The following CCDC148 variants were observed in gnomAD, a reference collection of about 807,000 sequenced individuals.
CCDC148 encodes the protein coiled-coil domain containing 148, also known as coiled-coil domain-containing protein 148.
CCDC148 carries 89 observed loss-of-function variants against 85.7 expected under a neutral mutation model. The observed-to-expected ratio is 1.04, with a 90% CI of 0.87 to 1.24. The LOEUF is 1.24. Among genes scored for constraint, CCDC148 ranks in the 50% most tolerant of loss-of-function variants. CCDC148 has a pLI of 0.00. For synonymous variants in CCDC148, 230 were observed against 213.9 expected, an observed-to-expected ratio of 1.08 and a Z score of -0.66; for missense variants, 692 against 671.7, an observed-to-expected ratio of 1.03 and a Z score of -0.33.
intron 7 of CCDC148, among the ~76,000 whole-genome samples, chr2:158,331,893 T>C (rs867144431): frequency 2.0e-5 from 3 of 152,220 alleles, no homozygotes; most frequent in Non-Finnish European, 4.4e-5. Flanking sequence ...TTTGAGCCTA[T>C]GTGTGTCTCT....
rs113318589 is a variant in CCDC148, at chr2:158,335,323, C to T, written c.764+3403G>A. Among the ~76,000 whole-genome samples, 549 of 152,304 alleles carry T rather than the reference C, an allele frequency of 3.6e-3. 2 individuals carry two copies. Among genetic ancestry groups the T allele is most frequent in the African/African-American group, 0.013 (526 of 41,566 alleles). Reference sequence around the variant, plus strand: ...GCCTATGCTAACCCTACTCATTCTTCAAAGTTCATAGTGAATTTTGCTTCC... The same window carrying T: ...GCCTATGCTAACCCTACTCATTCTTTAAAGTTCATAGTGAATTTTGCTTCC... On this transcript the variant is annotated intron_variant, in intron 7 of 13. Transcript: ENST00000283233.
intron 11 of CCDC148, among the ~76,000 whole-genome samples, chr2:158,181,294 T>C (rs1684891341): frequency 6.6e-6 from 1 of 152,126 alleles, no homozygotes; most frequent in Non-Finnish European, 1.5e-5. Context: ...GAGAAAGGCA[T>C]TTGTACTTGT....
intron 11 of CCDC148, among the ~76,000 whole-genome samples, chr2:158,196,792 T>C (rs1685696382): frequency 4.0e-5 from 6 of 151,894 alleles, no homozygotes; most frequent in Admixed American, 3.9e-4. Context: ...TACCCTACTC[T>C]GCACTTGTGT....
chr2:158,252,218 T>C (rs1688822502), intron 9 of CCDC148, among the ~76,000 whole-genome samples: 1 of 151,870 alleles, frequency 6.6e-6, no homozygotes, highest in Non-Finnish European at 1.5e-5. Flanking sequence ...AAAGTGACTC[T>C]AAAGTTCATT....
chr2:158,206,948 T>C (rs139485313), intron 11 of CCDC148, among the ~76,000 whole-genome samples: 1 of 152,346 alleles, frequency 6.6e-6, no homozygotes, highest in East Asian at 1.9e-4. Context: ...TGTCAGTTGC[T>C]TTTATCAAGG....
chr2:158,365,545 C>T (rs1189643858), intron 1 of CCDC148, among the ~76,000 whole-genome samples: 1 of 152,264 alleles, frequency 6.6e-6, no homozygotes, highest in South Asian at 2.1e-4. Flanking sequence ...TCTCAGCAAA[C>T]TAACACAAGA....
intron 11 of CCDC148, among the ~76,000 whole-genome samples, chr2:158,196,683 G>C (rs979051557): frequency 6.6e-6 from 1 of 151,984 alleles, no homozygotes; most frequent in Non-Finnish European, 1.5e-5. Context: ...GTTCACACTG[G>C]CCCTCCTTTT....
Position 158,406,613 on chromosome 2 carries a change from C to CTTTT in CCDC148, c.26-48047_26-48044dup, listed in dbSNP as rs61612452. 2.1e-3 allele frequency among the ~76,000 whole-genome samples: 65 copies of CTTTT among 31,462 alleles called. 3 individuals are homozygous for CTTTT. The highest frequency in any genetic ancestry group is 4.7e-3 in the African/African-American group (48 of 10,174). 20.6% of individuals were successfully genotyped at this position (31,462 alleles called of 152,430 possible). ...ACAGCCAGTTAAACAGATTAAATTT[C>CTTTT]TTTTTTTTTTTTTTTTTTTTTTTTT... is the stretch of plus-strand genomic sequence containing the variant. On this transcript the variant is annotated intron_variant, in intron 1 of 13. Transcript: ENST00000283233.
At chr2:158,205,246 G>C (rs1051913813) in intron 11 of CCDC148, among the ~76,000 whole-genome samples, 1 of 152,156 alleles carries the variant, frequency 6.6e-6, no homozygotes, top group Non-Finnish European at 1.5e-5. Context: ...CTTGGCTGTA[G>C]GAGTGGGGAG....
At position 158,396,782 on chromosome 2, in the gene CCDC148, CAAT is replaced by C. The variant is rs779317448; in HGVS notation, c.26-38215_26-38213del. Among the ~76,000 whole-genome samples, 31 of 152,144 alleles carry C rather than the reference CAAT, an allele frequency of 2.0e-4. 1 individual carries two copies. The highest frequency in any genetic ancestry group is 1.1e-3 in the Admixed American group (17 of 15,266). ...GCAAAAATGTTAACTACTACTAAGA[CAAT>C]GATGATGACTACTACTACTACTATT... On this transcript the variant is annotated intron_variant, in intron 1 of 13. Coordinates refer to ENST00000283233, the MANE Select transcript of CCDC148 (RefSeq NM_138803.4).
intron 3 of CCDC148, among the ~76,000 whole-genome samples, chr2:158,341,206 G>A (rs1029238938): frequency 7.2e-5 from 11 of 151,756 alleles, no homozygotes; most frequent in African/African-American, 1.5e-4. Context: ...GTATACATAC[G>A]TATGTGTACG....
Position 158,352,015 on chromosome 2 carries a change from C to G in CCDC148, c.147+6434G>C, listed in dbSNP as rs1048366468. Among the ~76,000 whole-genome samples the G allele has an allele frequency of 1.9e-4, 26 of 140,494 alleles. 1 individual carries two copies. The highest frequency in any genetic ancestry group is 5.6e-4 in the Admixed American group (8 of 14,198). The allele number at this position is 140,494 out of a possible 152,430, so 92.2% of individuals were successfully genotyped here. ...TTCCAACAGACCTGCAGCTGAGGGT[C>G]CTGTCTGTTAGAAGGAAAACTAACA... is the stretch of plus-strand genomic sequence containing the variant. On this transcript the variant is annotated intron_variant, in intron 2 of 13. Transcript: ENST00000283233.
At chr2:158,422,009 G>A (rs13000437) in intron 1 of CCDC148, among the ~76,000 whole-genome samples, 9,706 of 152,130 alleles carry the variant, frequency 0.064, 428 homozygotes, top group Non-Finnish European at 0.095. Flanking sequence ...TAAATTCCTG[G>A]ACACATACAA....
intron 1 of CCDC148, among the ~76,000 whole-genome samples, chr2:158,450,822 G>C (rs1174302564): frequency 6.6e-6 from 1 of 152,066 alleles, no homozygotes; most frequent in Non-Finnish European, 1.5e-5. Context: ...GAGTGTCTTT[G>C]ATGTGTGGAT....
In CCDC148 at chr2:158,220,585, T is replaced by G. The variant is rs188905989; in HGVS notation, c.1370+10A>C. 1.0e-5 allele frequency: 16 copies of G among 1,590,044 alleles called. No individual in the cohort carries two copies. Among genetic ancestry groups the G allele is most frequent in the Middle Eastern group, 3.3e-4 (2 of 6,038 alleles). ...CCTCCATTACCACACAATTTTAAAT[T>G]TTCTTTTACCTTTCTCTGTCTTTTA... On this transcript the variant is annotated intron_variant, in intron 11 of 13. Transcript: ENST00000283233.
intron 1 of CCDC148, among the ~76,000 whole-genome samples, chr2:158,433,278 A>ATATATATATATATATATATATAT (rs1193160417): frequency 7.8e-6 from 1 of 127,622 alleles, no homozygotes; most frequent in Non-Finnish European, 1.8e-5. Flanking sequence ...ATATATATAT[A>ATATATATATATATATATATATAT]AAACAAAAGC....
Position 158,391,966 on chromosome 2 carries a change from C to T in CCDC148, c.26-33396G>A, listed in dbSNP as rs140927375. ...GGTGAAATCAAAAGGAGAACAGTCC[C>T]AGATTCTCCCCAACTGGCAGTATCT... On this transcript the variant is annotated intron_variant, in intron 1 of 13. Transcript: ENST00000283233. 2.7e-4 allele frequency among the ~76,000 whole-genome samples: 41 copies of T among 152,188 alleles called. No homozygotes were observed. In the East Asian group the frequency reaches 4.3e-3, roughly 16 times the overall value.
intron 5 of CCDC148, among the ~76,000 whole-genome samples, chr2:158,339,558 A>G (rs1017873407): frequency 6.6e-6 from 1 of 152,202 alleles, no homozygotes; most frequent in Non-Finnish European, 1.5e-5. Flanking sequence ...TTTATGCTCA[A>G]TTGAGGGGAA....
rs149023995 is a variant in CCDC148, at chr2:158,185,878, G to A, written c.1371-6882C>T. On this transcript the variant is annotated intron_variant, in intron 11 of 13. Transcript: ENST00000283233. ...TATAGAGAATTTAAAAATAATAAAC[G>A]GACAAAAACCTTTTTAAAAAATCAC... is the stretch of plus-strand genomic sequence containing the variant. 4.0e-3 allele frequency among the ~76,000 whole-genome samples: 605 copies of A among 151,928 alleles called. 1 individual carries two copies. The highest frequency in any genetic ancestry group is 6.9e-3 in the African/African-American group (284 of 41,428).
Sources: gnomAD v4.1 joint callset for allele counts (sites outside exome capture counted in the v4.1 genomes callset) on GRCh38, gnomAD v4.1.1 for gene constraint, MANE v1.5 for transcripts, NCBI Gene and HGNC (gene_info 2026-07-23, HGNC 2026-07-21) for gene names.